The following TMCO5A variants were observed in gnomAD, a reference collection of about 807,000 sequenced individuals.
The protein encoded by TMCO5A is transmembrane and coiled-coil domain-containing protein 5A.
TMCO5A carries 34 observed loss-of-function variants against 42.3 expected under a neutral mutation model. The ratio of observed to expected loss-of-function variants is 0.80; its 90% CI spans 0.61 to 1.07. The LOEUF (loss-of-function observed/expected upper bound fraction) is 1.07, where lower values mean the gene tolerates loss of function less well. Ranked by LOEUF, TMCO5A falls within the 50% of genes least tolerant of loss-of-function variation. The probability of loss-of-function intolerance (pLI) is 0.00; values close to 1 mark genes in which losing one functional copy is unlikely to be tolerated. For synonymous variants in TMCO5A, 131 were observed against 115.6 expected (o/e 1.13, Z -0.86); for missense variants, 357 against 327.9 (o/e 1.09, Z -0.69).
intron 8 of TMCO5A, 85 bp from the exon 9 acceptor site, chr15:37,942,106 C>A: frequency 8.1e-7 from 1 of 1,236,322 alleles, no homozygotes; most frequent in Non-Finnish European, 1.2e-6. Context: ...TTCATGGTAT[C>A]ATGTAATAAC....
chr15:37,985,770 C>A, the TMCO5A span, among the ~76,000 whole-genome samples: 3 of 152,132 alleles, frequency 2.0e-5, no homozygotes, highest in Non-Finnish European at 2.9e-5. Flanking sequence ...TGAAAACACT[C>A]TGTTATCTTT....
the TMCO5A span, among the ~76,000 whole-genome samples, chr15:37,992,831 A>G: frequency 6.6e-6 from 1 of 152,138 alleles, no homozygotes; most frequent in Non-Finnish European, 1.5e-5. Flanking sequence ...GGAACATCAG[A>G]CACTGGGGAC....
chr15:38,031,090 T>C, the TMCO5A span, among the ~76,000 whole-genome samples: 3 of 152,178 alleles, frequency 2.0e-5, no homozygotes, highest in Admixed American at 2.0e-4. Context: ...TGAATTAGCA[T>C]ATAAACACCC....
the TMCO5A span, among the ~76,000 whole-genome samples, chr15:38,026,455 G>C: frequency 6.6e-6 from 1 of 152,172 alleles, no homozygotes; most frequent in African/African-American, 2.4e-5. Flanking sequence ...TTTCTAAGCA[G>C]CAAAGCATTT....
At chr15:37,983,649 T>C in the TMCO5A span, among the ~76,000 whole-genome samples, 2 of 152,082 alleles carry the variant, frequency 1.3e-5, no homozygotes, top group Admixed American at 1.3e-4. Context: ...TTTCCCAAGA[T>C]CACACAATTA....
At chr15:38,027,032 C>A in the TMCO5A span, among the ~76,000 whole-genome samples, 1 of 152,168 alleles carries the variant, frequency 6.6e-6, no homozygotes, top group Admixed American at 6.5e-5. Context: ...TCTACTAGGG[C>A]AGCATGGAAG....
chr15:37,999,384 G>A, the TMCO5A span, among the ~76,000 whole-genome samples: 1 of 152,196 alleles, frequency 6.6e-6, no homozygotes, highest in Non-Finnish European at 1.5e-5. Context: ...TGATTTTGCA[G>A]TCTGTACCTT....
chr15:38,008,047 C>T, the TMCO5A span, among the ~76,000 whole-genome samples: 7 of 151,942 alleles, frequency 4.6e-5, no homozygotes, highest in East Asian at 3.9e-4. Context: ...AGGCGCCTGC[C>T]ACCACGCCTG....
At chr15:37,976,117 G>T in the TMCO5A span, among the ~76,000 whole-genome samples, 1 of 151,792 alleles carries the variant, frequency 6.6e-6, no homozygotes, top group African/African-American at 2.4e-5. Flanking sequence ...GGTGGTACAT[G>T]CCTGGTAATC....
downstream of TMCO5A, among the ~76,000 whole-genome samples, chr15:37,969,386 C>G (rs906878429): frequency 6.6e-6 from 1 of 152,046 alleles, no homozygotes; most frequent in Non-Finnish European, 1.5e-5. Context: ...AAAACCAAAC[C>G]CTCTTCTACT....
At chr15:38,023,135 T>A in the TMCO5A span, among the ~76,000 whole-genome samples, 1 of 152,158 alleles carries the variant, frequency 6.6e-6, no homozygotes, top group Non-Finnish European at 1.5e-5. Flanking sequence ...AATTTTTACA[T>A]CTCAAGCTTT....
the TMCO5A span, among the ~76,000 whole-genome samples, chr15:38,029,523 C>T: frequency 3.8e-4 from 57 of 151,884 alleles, no homozygotes; most frequent in African/African-American, 1.3e-3. Context: ...TGCAGTGGCA[C>T]AAACATGGCT....
chr15:38,020,470 G>A, the TMCO5A span: 153 of 152,290 alleles, frequency 1.0e-3, no homozygotes, highest in Middle Eastern at 3.4e-3. Flanking sequence ...CTGAAAAGAA[G>A]CAAGCCGGCT....
downstream of TMCO5A, among the ~76,000 whole-genome samples, chr15:37,968,310 A>C (rs1047055159): frequency 2.6e-5 from 4 of 152,060 alleles, no homozygotes; most frequent in Non-Finnish European, 5.9e-5. Flanking sequence ...CTCTCTGGAG[A>C]TCCACCCCTT....
chr15:38,038,304 A>C, the TMCO5A span, among the ~76,000 whole-genome samples: 2 of 152,194 alleles, frequency 1.3e-5, no homozygotes, highest in Non-Finnish European at 2.9e-5. Flanking sequence ...TGGCACTGCT[A>C]TAAATAAATA....
intron 5 of TMCO5A, 109 bp downstream of exon 5, chr15:37,937,505 T>C: frequency 2.6e-6 from 3 of 1,164,560 alleles, no homozygotes; most frequent in South Asian, 2.6e-5. Flanking sequence ...CAGAGAGGCC[T>C]GTATGTGGAG....
chr15:38,010,008 G>T, the TMCO5A span, among the ~76,000 whole-genome samples: 2 of 152,064 alleles, frequency 1.3e-5, no homozygotes, highest in African/African-American at 4.8e-5. Flanking sequence ...TGAAGGTAAG[G>T]ATCTTGAGAT....
At chr15:38,030,413 A>G in the TMCO5A span, among the ~76,000 whole-genome samples, 15 of 152,138 alleles carry the variant, frequency 9.9e-5, no homozygotes, top group African/African-American at 3.4e-4. Context: ...CTTGAATCCA[A>G]TTCTCATTAA....
chr15:37,986,533 ACCATCACTG>A, the TMCO5A span, among the ~76,000 whole-genome samples: 1 of 151,846 alleles, frequency 6.6e-6, no homozygotes, highest in African/African-American at 2.4e-5. Flanking sequence ...CTTTTGTGTA[ACCATCACTG>A]CCATCCATCT....
Sources: allele counts gnomAD v4.1 joint callset (sites outside exome capture counted in the v4.1 genomes callset), GRCh38; gene constraint gnomAD v4.1.1; transcripts MANE v1.5; gene names NCBI Gene and HGNC (gene_info 2026-07-23, HGNC 2026-07-21).